The following AKAP13 variants were observed in gnomAD, a reference collection of about 807,000 sequenced individuals.
The protein encoded by AKAP13 is A-kinase anchoring protein 13.
Under a neutral mutation model 264.5 loss-of-function variants are expected in AKAP13, and 80 were observed. The ratio of observed to expected loss-of-function variants is 0.30; its 90% CI spans 0.25 to 0.36. AKAP13 has a LOEUF of 0.36. AKAP13 is among the 10% of genes least tolerant of loss of function. The pLI is 1.00. For missense variants in AKAP13, 3,712 were observed against 3,435.2 expected (o/e 1.08, Z -2.01); for synonymous variants, 1,380 against 1,250.2 (o/e 1.10, Z -2.19).
At chr15:85,525,056 A>AC (rs1342021780) in intron 3 of AKAP13, among the ~76,000 whole-genome samples, 9 of 110,120 alleles carry the variant, frequency 8.2e-5, no homozygotes, top group Non-Finnish European at 1.1e-4. Flanking sequence ...ATCTATCTTT[A>AC]AATTTTTTTT....
intron 14 of AKAP13, 79 bp downstream of exon 14, chr15:85,669,909 C>T: frequency 1.8e-6 from 2 of 1,102,160 alleles, no homozygotes; most frequent in Non-Finnish European, 2.6e-6. Flanking sequence ...ACTTTAAGGC[C>T]CCATAACATT....
intron 1 of AKAP13, among the ~76,000 whole-genome samples, chr15:85,399,224 C>T (rs533701212): frequency 3.6e-4 from 55 of 152,162 alleles, no homozygotes; most frequent in African/African-American, 1.3e-3. Context: ...AGGCCGGGCG[C>T]GGTGGCTCAC....
At chr15:85,485,887 A>G in intron 2 of AKAP13, 134 bp downstream of exon 2, 4 of 725,382 alleles carry the variant, frequency 5.5e-6, no homozygotes, top group South Asian at 3.5e-5. Context: ...TTGGTGTAAG[A>G]CACTTCAGAA....
chr15:85,630,465 G>C (rs934379050), intron 8 of AKAP13, among the ~76,000 whole-genome samples: 7 of 152,168 alleles, frequency 4.6e-5, no homozygotes, highest in African/African-American at 1.7e-4. Flanking sequence ...TACTATGCAA[G>C]ATGCTATGGT....
intron 8 of AKAP13, among the ~76,000 whole-genome samples, chr15:85,588,057 T>G (rs2079433336): frequency 1.3e-5 from 2 of 152,198 alleles, no homozygotes; most frequent in South Asian, 2.1e-4. Context: ...GTTAGTGAAC[T>G]TACTCATGCT....
intron 17 of AKAP13, among the ~76,000 whole-genome samples, chr15:85,700,289 T>G (rs17637276): frequency 6.6e-6 from 1 of 152,088 alleles, no homozygotes; most frequent in East Asian, 1.9e-4. Context: ...CATTTTTGCT[T>G]TCTTGATATG....
At position 85,658,440 on chromosome 15, in the gene AKAP13, A is replaced by C; in HGVS notation, c.4746-97A>C. The stretch of plus-strand genomic sequence containing the variant: ...TTGCCTGTGCCATTTCTCTTTGAGC[A>C]GTGTCTCTCTCCCCAGTGTGGTGTC... On this transcript the variant is annotated intron_variant, in intron 11 of 36. Coordinates refer to ENST00000394518, the MANE Select transcript of AKAP13 (RefSeq NM_007200.5). 6.1e-6 allele frequency: 6 copies of C among 976,630 alleles called. No homozygotes were observed. In the Admixed American group the frequency reaches 1.1e-4, roughly 18 times the overall value. The allele number at this position is 976,630 out of a possible 1,614,324, so 60.5% of individuals were successfully genotyped here.
chr15:85,597,878 C>T (rs1259626487), intron 8 of AKAP13, among the ~76,000 whole-genome samples: 1 of 151,972 alleles, frequency 6.6e-6, no homozygotes, highest in Non-Finnish European at 1.5e-5. Context: ...TGTGTAATTC[C>T]AGCGTTTTCT....
At chr15:85,639,231 AT>A (rs2082197673) in intron 8 of AKAP13, 142 bp from the exon 9 acceptor site, 4 of 572,522 alleles carry the variant, frequency 7.0e-6, no homozygotes, top group South Asian at 4.2e-5. Context: ...TGAAAAAAAA[AT>A]TTTTTTCCCT....
chr15:85,744,901 G>A lies in AKAP13; in HGVS notation c.*224G>A, dbSNP rs2089322581. On this transcript the variant is annotated 3_prime_UTR_variant, in exon 37 of 37. Transcript: ENST00000394518. ...TCGGCCATGATTTGTGACTGCCCAG[G>A]ACTCTCAGGTTGGGCTGGCCCTACT... 12 of 481,858 alleles carry A rather than the reference G, an allele frequency of 2.5e-5. No homozygotes were observed. Among genetic ancestry groups the A allele is most frequent in the South Asian group, 2.3e-4 (7 of 29,892 alleles). The allele number at this position is 481,858 out of a possible 1,614,324, so 29.8% of individuals were successfully genotyped here. A position where few individuals can be genotyped will look rare whatever the true frequency, so the allele number is the denominator to read the frequency against.
At chr15:85,428,256 A>G (rs963636669) in intron 1 of AKAP13, among the ~76,000 whole-genome samples, 2 of 152,124 alleles carry the variant, frequency 1.3e-5, no homozygotes, top group Admixed American at 6.5e-5. Flanking sequence ...CTGGAGTGCA[A>G]TGGTGCGATC....
chr15:85,632,455 A>G (rs2081881675), intron 8 of AKAP13, among the ~76,000 whole-genome samples: 1 of 152,220 alleles, frequency 6.6e-6, no homozygotes, highest in South Asian at 2.1e-4. Flanking sequence ...CAGTATTTTT[A>G]TCTTCTAAGG....
chr15:85,610,200 T>G (rs1018017587), intron 8 of AKAP13, among the ~76,000 whole-genome samples: 2 of 152,220 alleles, frequency 1.3e-5, no homozygotes, highest in African/African-American at 2.4e-5. Flanking sequence ...AATGTCAGCA[T>G]TGTTTCCTTT....
rs117101403 is a variant in AKAP13 at position 85,636,674 on chromosome 15, G to A, written c.4162-2700G>A. On this transcript the variant is annotated intron_variant, in intron 8 of 36. Transcript: ENST00000394518. ...TTGTTGTCCAGGCTGGTGTTCAGTG[G>A]CACAATCACGGCTCGCTGCAACCTC... Among the ~76,000 whole-genome samples the A allele has an allele frequency of 6.5e-4, 99 of 151,712 alleles. 2 individuals are homozygous for A. In the East Asian group the frequency reaches 0.019, roughly 29 times the overall value.
At position 85,443,772 on chromosome 15, in the gene AKAP13, AGTGTGT is replaced by A. The variant is rs34514718; in HGVS notation, c.-11-41919_-11-41914del. Reference sequence around the variant, plus strand: ...CACTGGTTTCATGTAAAAAAAAAAAAGTGTGTGTGTGTGTGTGTGTGTGTAGGGTAT... The same window carrying A: ...CACTGGTTTCATGTAAAAAAAAAAAAGTGTGTGTGTGTGTGTGTAGGGTAT... On this transcript the variant is annotated intron_variant, in intron 1 of 36. Transcript: ENST00000394518. 2.9e-4 allele frequency among the ~76,000 whole-genome samples: 43 copies of A among 146,048 alleles called. 1 individual carries two copies. The highest frequency in any genetic ancestry group is 9.6e-4 in the Admixed American group (14 of 14,652).
chr15:85,741,244 C>A lies in AKAP13; in HGVS notation c.7807C>A (p.Arg2603Ser), dbSNP rs749633401. 6 of 1,609,258 alleles carry A rather than the reference C, an allele frequency of 3.7e-6. No individual in the cohort carries two copies. The highest frequency in any genetic ancestry group is 1.7e-5 in the Admixed American group (1 of 59,210). The change falls in exon 35 of 37, where the codon CGT becomes AGT. Residue 2603 changes from arginine to serine, a missense_variant. Coordinates refer to ENST00000394518, the MANE Select transcript of AKAP13 (RefSeq NM_007200.5). ...QYLEEKRRRE[R>S]EWEARERELR... ...CCTCGAGGAGAAGCGCAGGCGCGAGCGTGAGTGGGAAGCTCGTGAGAGGGA... is the reference window on the plus strand; with the variant it reads ...CCTCGAGGAGAAGCGCAGGCGCGAGAGTGAGTGGGAAGCTCGTGAGAGGGA...
chr15:85,481,981 C>G (rs906112917), intron 1 of AKAP13, among the ~76,000 whole-genome samples: 1 of 152,200 alleles, frequency 6.6e-6, no homozygotes, highest in Non-Finnish European at 1.5e-5. Flanking sequence ...CAAAGACTTT[C>G]AGTTGTTCTT....
chr15:85,644,489 C>CT (rs1221137270), intron 9 of AKAP13, among the ~76,000 whole-genome samples: 5 of 151,058 alleles, frequency 3.3e-5, no homozygotes, highest in African/African-American at 1.2e-4. Flanking sequence ...GATCCGCCTG[C>CT]CTCAGCCTCC....
At chr15:85,429,821 T>C (rs1278999302) in intron 1 of AKAP13, among the ~76,000 whole-genome samples, 1 of 152,242 alleles carries the variant, frequency 6.6e-6, no homozygotes, top group African/African-American at 2.4e-5. Context: ...GGATTTATGC[T>C]ATCAAGGATA....
Sources: allele counts gnomAD v4.1 joint callset (sites outside exome capture counted in the v4.1 genomes callset), GRCh38; gene constraint gnomAD v4.1.1; transcripts MANE v1.5; gene names NCBI Gene and HGNC (gene_info 2026-07-23, HGNC 2026-07-21).